DPP6: variants seen among roughly 807,000 people sequenced by gnomAD.
DPP6 encodes the protein dipeptidyl peptidase like 6.
A neutral mutation model predicts 122.6 loss-of-function variants in DPP6; 69 were observed. The observed-to-expected ratio is 0.56, with a 90% confidence interval of 0.46 to 0.69. The LOEUF is 0.69. Among genes scored for constraint, DPP6 ranks in the 30% least tolerant of loss-of-function variants. DPP6 has a pLI of 0.00. For synonymous variants in DPP6, 418 were observed against 433.1 expected, an observed-to-expected ratio of 0.97 and a Z score of 0.43; for missense variants, 928 against 1,116.9, an observed-to-expected ratio of 0.83 and a Z score of 2.41.
intron 1 of DPP6, among the ~76,000 whole-genome samples, chr7:154,215,305 C>A (rs1206631966): frequency 6.6e-6 from 1 of 152,122 alleles, no homozygotes; most frequent in Non-Finnish European, 1.5e-5. Context: ...GGAAACCTCC[C>A]CCGTAATACA....
chr7:153,762,073 C>T, the DPP6 span, among the ~76,000 whole-genome samples: 19 of 152,244 alleles, frequency 1.2e-4, no homozygotes, highest in East Asian at 5.8e-4. Context: ...GACTAAAGTC[C>T]GTGTAAAAAA....
intron 1 of DPP6, among the ~76,000 whole-genome samples, chr7:153,983,577 CAG>C (rs1796698485): frequency 6.6e-6 from 1 of 152,016 alleles, no homozygotes; most frequent in South Asian, 2.1e-4. Flanking sequence ...ACTGGTGTTC[CAG>C]GAAGCACTGG....
At chr7:154,473,138 C>T (rs541454007) in intron 2 of DPP6, among the ~76,000 whole-genome samples, 7 of 152,268 alleles carry the variant, frequency 4.6e-5, no homozygotes, top group Admixed American at 2.6e-4. Context: ...TTTCTGACCA[C>T]GTACTTAAGA....
intron 1 of DPP6, among the ~76,000 whole-genome samples, chr7:153,939,261 A>G (rs1305542430): frequency 6.6e-6 from 1 of 152,218 alleles, no homozygotes; most frequent in Non-Finnish European, 1.5e-5. Context: ...AAAGTGTTCT[A>G]GATAACACAC....
intron 7 of DPP6, among the ~76,000 whole-genome samples, chr7:154,673,787 T>C (rs1226151256): frequency 6.6e-6 from 1 of 152,204 alleles, no homozygotes; most frequent in Admixed American, 6.5e-5. Flanking sequence ...TCAAAACATA[T>C]GCTGTTTCAA....
At chr7:154,031,509 C>G (rs1013358202) in intron 1 of DPP6, among the ~76,000 whole-genome samples, 4 of 151,908 alleles carry the variant, frequency 2.6e-5, no homozygotes, top group Non-Finnish European at 5.9e-5. Flanking sequence ...CACAGATATT[C>G]CCATATCACA....
chr7:153,969,508 A>G (rs1299388910), intron 1 of DPP6, among the ~76,000 whole-genome samples: 1 of 147,142 alleles, frequency 6.8e-6, no homozygotes, highest in African/African-American at 2.7e-5. Flanking sequence ...TATTTCAGAG[A>G]TAAACTCATT....
At chr7:154,086,568 T>G (rs1356546189) in intron 1 of DPP6, among the ~76,000 whole-genome samples, 25 of 150,774 alleles carry the variant, frequency 1.7e-4, no homozygotes. Context: ...GACCAGTTGC[T>G]AGGCACAGTT....
intron 16 of DPP6, among the ~76,000 whole-genome samples, chr7:154,845,751 A>T (rs1801894542): frequency 6.6e-6 from 1 of 152,280 alleles, no homozygotes; most frequent in Admixed American, 6.5e-5. Flanking sequence ...CTTTTTTAAG[A>T]TACAACCTAG....
chr7:154,516,758 T>A (rs183085254), intron 3 of DPP6, among the ~76,000 whole-genome samples: 1 of 152,196 alleles, frequency 6.6e-6, no homozygotes, highest in Non-Finnish European at 1.5e-5. Flanking sequence ...AGAAATCAAA[T>A]GGTCAAACTT....
intron 5 of DPP6, among the ~76,000 whole-genome samples, chr7:154,583,921 C>A (rs1252603507): frequency 6.6e-6 from 1 of 152,202 alleles, no homozygotes; most frequent in Non-Finnish European, 1.5e-5. Flanking sequence ...ATTGTCCCCT[C>A]CTTACCAGGA....
chr7:154,884,695 TCACACA>T lies in DPP6; in HGVS notation c.2134-937_2134-932del, dbSNP rs1584985366. On this transcript the variant is annotated intron_variant, in intron 21 of 25. Transcript: ENST00000377770. ...CATGCTCACACACAAGCACACATGA[TCACACA>T]GGCACACATGATCACACATACACAG... is the stretch of plus-strand genomic sequence containing the variant. 7.2e-5 allele frequency: 5 copies of T among 69,572 alleles called. No individual in the cohort carries two copies. The East Asian group carries it at 3.8e-3, about 54-fold the overall frequency. 4.3% of individuals were successfully genotyped at this position (69,572 alleles called of 1,614,324 possible). A position where few individuals can be genotyped will look rare whatever the true frequency, so the allele number is the denominator to read the frequency against.
intron 1 of DPP6, among the ~76,000 whole-genome samples, chr7:153,984,548 A>G (rs1796748315): frequency 6.6e-6 from 1 of 152,132 alleles, no homozygotes. Flanking sequence ...TTCAGGGGGA[A>G]TTCTCTTATT....
chr7:154,435,668 A>G (rs1048126847), intron 1 of DPP6, among the ~76,000 whole-genome samples: 16 of 152,332 alleles, frequency 1.1e-4, no homozygotes, highest in African/African-American at 3.6e-4. Flanking sequence ...CCATCCTATC[A>G]TCATTTGCTG....
In DPP6 at chr7:154,724,197, A is replaced by G. The variant is rs1005031575; in HGVS notation, c.763-3570A>G. Among the ~76,000 whole-genome samples the G allele has an allele frequency of 2.0e-5, 3 of 152,104 alleles. No homozygotes were observed. The South Asian group carries it at 6.2e-4, about 32-fold the overall frequency. ...TCCCCAGGCCATGTAATATGTATCA[A>G]AATCTGAGGACCACCAACATAGACC... is the stretch of plus-strand genomic sequence containing the variant. On this transcript the variant is annotated intron_variant, in intron 7 of 25. Coordinates refer to ENST00000377770, the MANE Select transcript of DPP6 (RefSeq NM_130797.4).
chr7:154,560,755 C>A (rs576489369), intron 4 of DPP6, among the ~76,000 whole-genome samples: 5 of 151,824 alleles, frequency 3.3e-5, no homozygotes, highest in Non-Finnish European at 5.9e-5. Flanking sequence ...TGATGGTGGG[C>A]GCCTGTTATC....
At chr7:154,055,866 G>A (rs1800785542) in intron 1 of DPP6, 1 of 152,232 alleles carries the variant, frequency 6.6e-6, no homozygotes, top group Non-Finnish European at 1.5e-5. Flanking sequence ...TGGTCACTAA[G>A]ATGATGGCAA....
At chr7:154,133,455 A>C (rs1178039148) in intron 1 of DPP6, among the ~76,000 whole-genome samples, 1 of 152,168 alleles carries the variant, frequency 6.6e-6, no homozygotes, top group East Asian at 1.9e-4. Flanking sequence ...TAGGCTGCCC[A>C]TCCTCAGGGC....
At chr7:154,546,489 A>T (rs63096860) in intron 4 of DPP6, among the ~76,000 whole-genome samples, 17 of 44,202 alleles carry the variant, frequency 3.8e-4, no homozygotes, top group South Asian at 2.6e-3. Flanking sequence ...TCGATTATTT[A>T]AAAAAAAAAA....
Sources: allele counts gnomAD v4.1 joint callset (sites outside exome capture counted in the v4.1 genomes callset), GRCh38; gene constraint gnomAD v4.1.1; transcripts MANE v1.5; gene names NCBI Gene and HGNC (gene_info 2026-07-23, HGNC 2026-07-21).